RIMS2: variants seen among roughly 807,000 people sequenced by gnomAD.
RIMS2 encodes the protein regulating synaptic membrane exocytosis protein 2.
Under a neutral mutation model 174.4 loss-of-function variants are expected in RIMS2, and 59 were observed. The ratio of observed to expected loss-of-function variants is 0.34; its 90% CI spans 0.27 to 0.42. The LOEUF (loss-of-function observed/expected upper bound fraction) is 0.42, where lower values mean the gene tolerates loss of function less well. Among genes scored for constraint, RIMS2 ranks in the 10% least tolerant of loss-of-function variants. The pLI is 1.00. For synonymous variants in RIMS2, 606 were observed against 572.5 expected, an observed-to-expected ratio of 1.06 and a Z score of -0.84; for missense variants, 1,620 against 1,666.3, an observed-to-expected ratio of 0.97 and a Z score of 0.48.
rs1477349537 is a variant in RIMS2 at position 103,793,323 on chromosome 8, C to G, written c.698+26786C>G. 3.3e-5 allele frequency among the ~76,000 whole-genome samples: 5 copies of G among 152,248 alleles called. No individual in the cohort carries two copies. The Middle Eastern group carries it at 0.01, about 311-fold the overall frequency. ...ACCCCTCATATAAACAGAACCAAGA[C>G]AAAAACCACATGATTATCTCAATAG... On this transcript the variant is annotated intron_variant, in intron 3 of 23. Coordinates refer to ENST00000504942, the Ensembl canonical transcript of RIMS2.
intron 1 of RIMS2, among the ~76,000 whole-genome samples, chr8:103,602,271 G>T (rs188111020): frequency 6.6e-6 from 1 of 152,334 alleles, no homozygotes; most frequent in Non-Finnish European, 1.5e-5. Flanking sequence ...ACAGGCATGA[G>T]CCACCACGCC....
intron 14 of RIMS2, among the ~76,000 whole-genome samples, chr8:103,957,899 A>G (rs778662107): frequency 3.9e-5 from 6 of 152,222 alleles, no homozygotes; most frequent in Non-Finnish European, 7.4e-5. Context: ...AAGTCAAAGA[A>G]TAACAGATGC....
intron 19 of RIMS2, among the ~76,000 whole-genome samples, chr8:104,058,158 T>G (rs1490627485): frequency 6.7e-6 from 1 of 149,920 alleles, no homozygotes; most frequent in Admixed American, 6.6e-5. Flanking sequence ...ACTTCCACAA[T>G]GGTTGAACTA....
chr8:104,221,835 A>T (rs917574635), intron 19 of RIMS2, among the ~76,000 whole-genome samples: 3 of 152,182 alleles, frequency 2.0e-5, no homozygotes, highest in African/African-American at 7.2e-5. Flanking sequence ...TGGACAAACA[A>T]AGTCCTTATC....
intron 19 of RIMS2, among the ~76,000 whole-genome samples, chr8:104,063,698 C>T (rs1360623812): frequency 1.3e-5 from 2 of 152,132 alleles, no homozygotes; most frequent in Non-Finnish European, 2.9e-5. Context: ...GTAAGATCCT[C>T]AGATTTGAGC....
chr8:103,816,359 T>C lies in RIMS2; in HGVS notation c.698+49822T>C, dbSNP rs957955088. Among the ~76,000 whole-genome samples the C allele has an allele frequency of 5.3e-5, 8 of 152,192 alleles. No homozygotes were observed. In the South Asian group the frequency reaches 8.3e-4, roughly 16 times the overall value. On this transcript the variant is annotated intron_variant, in intron 3 of 23. Transcript: ENST00000504942. ...GATTGAAAAAGAATTAACTTTTTGA[T>C]AACATGTAGGCATCCATTTATTCAA...
chr8:103,701,248 T>C lies in RIMS2; in HGVS notation c.387+3952T>C, dbSNP rs144808653. Reference sequence around the variant, plus strand: ...TTTTTGCTGATTGTGGAATTCTTGGTTAACACTTTTTGTATTTCAGTATTT... The same window carrying C: ...TTTTTGCTGATTGTGGAATTCTTGGCTAACACTTTTTGTATTTCAGTATTT... On this transcript the variant is annotated intron_variant, in intron 2 of 23. Transcript: ENST00000504942. Among the ~76,000 whole-genome samples, 471 of 152,234 alleles carry C rather than the reference T, an allele frequency of 3.1e-3. 4 individuals are homozygous for C. Among genetic ancestry groups the C allele is most frequent in the African/African-American group, 0.011 (443 of 41,576 alleles).
chr8:104,157,574 T>G (rs1462462771), intron 19 of RIMS2, among the ~76,000 whole-genome samples: 1 of 152,168 alleles, frequency 6.6e-6, no homozygotes, highest in Non-Finnish European at 1.5e-5. Flanking sequence ...TTCCCAGCCC[T>G]TAGTAACCAC....
At chr8:103,971,697 G>A (rs944779833) in intron 15 of RIMS2, among the ~76,000 whole-genome samples, 49 of 151,676 alleles carry the variant, frequency 3.2e-4, no homozygotes, top group African/African-American at 1.1e-3. Flanking sequence ...TCAGCCTCCC[G>A]AGTAGCTGGC....
At chr8:103,617,906 G>T (rs2095543686) in intron 1 of RIMS2, among the ~76,000 whole-genome samples, 1 of 152,136 alleles carries the variant, frequency 6.6e-6, no homozygotes, top group Non-Finnish European at 1.5e-5. Flanking sequence ...AGTGTTGGTG[G>T]GAGTGTAAAT....
At chr8:103,980,287 C>A (rs913958684) in intron 16 of RIMS2, among the ~76,000 whole-genome samples, 1 of 152,058 alleles carries the variant, frequency 6.6e-6, no homozygotes, top group Non-Finnish European at 1.5e-5. Flanking sequence ...AAGAAGCCCC[C>A]GTTCTAGGCC....
Position 104,193,019 on chromosome 8 carries a change from A to G in RIMS2, c.3335-51897A>G, listed in dbSNP as rs76383232. 8.8e-3 allele frequency among the ~76,000 whole-genome samples: 1,344 copies of G among 152,018 alleles called. 21 individuals carry two copies. Among genetic ancestry groups the G allele is most frequent in the African/African-American group, 0.03 (1,260 of 41,490 alleles). ...TGGAGAGAGCTTCACGTAGGTATAC[A>G]CTGAGAGAAAGAGTCTGCTTTTTCT... is the stretch of plus-strand genomic sequence containing the variant. On this transcript the variant is annotated intron_variant, in intron 19 of 23. Transcript: ENST00000504942.
At chr8:103,931,495 G>A in intron 12 of RIMS2, 102 bp downstream of exon 14, 1 of 736,068 alleles carries the variant, frequency 1.4e-6, no homozygotes, top group South Asian at 2.3e-5. Flanking sequence ...TCATACTAGT[G>A]AGATATGTGA....
intron 1 of RIMS2, among the ~76,000 whole-genome samples, chr8:103,507,085 G>C (rs1412268427): frequency 2.6e-5 from 4 of 152,028 alleles, no homozygotes; most frequent in African/African-American, 9.7e-5. Context: ...ACCGTATTAG[G>C]TTAAGCTAAT....
At chr8:103,695,082 T>A (rs1047582161) in intron 1 of RIMS2, among the ~76,000 whole-genome samples, 1 of 152,198 alleles carries the variant, frequency 6.6e-6, no homozygotes, top group Non-Finnish European at 1.5e-5. Context: ...TCTCTCTTTT[T>A]CCCCCTAGCG....
intron 1 of RIMS2, among the ~76,000 whole-genome samples, chr8:103,585,745 G>A (rs904525147): frequency 2.0e-5 from 3 of 151,944 alleles, no homozygotes; most frequent in African/African-American, 7.3e-5. Flanking sequence ...GGGGGCAAGG[G>A]GAGGGAGTGC....
chr8:103,584,525 C>T (rs1207315672), intron 1 of RIMS2, among the ~76,000 whole-genome samples: 1 of 151,792 alleles, frequency 6.6e-6, no homozygotes, highest in Non-Finnish European at 1.5e-5. Flanking sequence ...AAAATAACTA[C>T]AACATTTTAA....
At chr8:104,196,857 G>T (rs1042908843) in intron 19 of RIMS2, among the ~76,000 whole-genome samples, 2 of 151,874 alleles carry the variant, frequency 1.3e-5, no homozygotes, top group African/African-American at 4.8e-5. Context: ...TTTTTAAGTA[G>T]GCATACTTTA....
At chr8:103,570,337 A>G (rs991846616) in intron 1 of RIMS2, among the ~76,000 whole-genome samples, 5 of 152,230 alleles carry the variant, frequency 3.3e-5, no homozygotes, top group African/African-American at 1.2e-4. Flanking sequence ...AGAATTGAAA[A>G]AATTATGAGT....
Sources: gnomAD v4.1 joint callset for allele counts (sites outside exome capture counted in the v4.1 genomes callset) on GRCh38, gnomAD v4.1.1 for gene constraint, MANE v1.5 for transcripts, NCBI Gene and HGNC (gene_info 2026-07-23, HGNC 2026-07-21) for gene names.